Variants in DOCK4 observed in about 807,000 individuals in gnomAD.
DOCK4 encodes dedicator of cytokinesis 4.
In DOCK4, 97 loss-of-function variants were observed where a neutral mutation model predicts 268.1. The ratio of observed to expected loss-of-function variants is 0.36; its 90% CI spans 0.31 to 0.43. DOCK4 has a LOEUF of 0.43. Among genes scored for constraint, DOCK4 ranks in the 20% least tolerant of loss-of-function variants. DOCK4 has a pLI of 1.00. For synonymous variants in DOCK4, 954 were observed against 887.2 expected, an observed-to-expected ratio of 1.08 and a Z score of -1.34; for missense variants, 2,145 against 2,455.7, an observed-to-expected ratio of 0.87 and a Z score of 2.67.
At chr7:112,055,935 G>T (rs1028771181) in intron 1 of DOCK4, among the ~76,000 whole-genome samples, 6 of 151,206 alleles carry the variant, frequency 4.0e-5, no homozygotes, top group Non-Finnish European at 8.8e-5. Context: ...CTTTCCTAAA[G>T]AAAGGGAAGA....
At chr7:112,016,439 G>C (rs1186305611) in intron 1 of DOCK4, among the ~76,000 whole-genome samples, 3 of 152,228 alleles carry the variant, frequency 2.0e-5, no homozygotes, top group Admixed American at 6.5e-5. Context: ...ACTTGGTTAA[G>C]TGTCCCAGGT....
chr7:111,791,821 C>T lies in DOCK4; in HGVS notation c.3167-1216G>A, dbSNP rs183054104. Among the ~76,000 whole-genome samples the T allele has an allele frequency of 3.6e-3, 543 of 152,222 alleles. 2 individuals carry two copies. Among genetic ancestry groups the T allele is most frequent in the Non-Finnish European group, 6.9e-3 (467 of 67,998 alleles). On this transcript the variant is annotated intron_variant, in intron 30 of 52. Coordinates refer to ENST00000428084, the MANE Select transcript of DOCK4 (RefSeq NM_001363540.2). ...CTGGGCTCAAGCCATCCACCCGCCTCGGCCTCCCAAAGTGCTGGGATTACA... is the reference window on the plus strand; with the variant it reads ...CTGGGCTCAAGCCATCCACCCGCCTTGGCCTCCCAAAGTGCTGGGATTACA...
At chr7:111,908,881 A>C (rs1791845587) in intron 13 of DOCK4, among the ~76,000 whole-genome samples, 1 of 152,172 alleles carries the variant, frequency 6.6e-6, no homozygotes, top group South Asian at 2.1e-4. Flanking sequence ...TTAGGGCTGC[A>C]TAGTATTCCA....
chr7:111,837,991 C>A (rs923979271), intron 25 of DOCK4, among the ~76,000 whole-genome samples: 1 of 145,338 alleles, frequency 6.9e-6, no homozygotes, highest in African/African-American at 2.6e-5. Context: ...GAGGCTGAGG[C>A]AGGAGAATTG....
chr7:111,963,198 G>A (rs868435219), intron 8 of DOCK4, among the ~76,000 whole-genome samples: 12 of 152,236 alleles, frequency 7.9e-5, no homozygotes, highest in East Asian at 1.9e-4. Flanking sequence ...TGTCTAGGAG[G>A]AGGAGCCAAG....
At chr7:111,732,353 C>T (rs1186687186) in intron 51 of DOCK4, 66 bp from the exon 52 acceptor site, 4 of 1,544,896 alleles carry the variant, frequency 2.6e-6, no homozygotes, top group Admixed American at 1.7e-5. Flanking sequence ...TCTGCACATG[C>T]CCTCTGTGTT....
intron 7 of DOCK4, among the ~76,000 whole-genome samples, chr7:111,979,338 T>C (rs1168688544): frequency 6.6e-6 from 1 of 152,216 alleles, no homozygotes; most frequent in Admixed American, 6.5e-5. Context: ...AAGTTGTTTT[T>C]AAAAGCAGAC....
intron 22 of DOCK4, among the ~76,000 whole-genome samples, chr7:111,864,456 C>T (rs1386245018): frequency 6.6e-6 from 1 of 152,164 alleles, no homozygotes; most frequent in Non-Finnish European, 1.5e-5. Context: ...TTCTAACATG[C>T]TAAAATTCAA....
chr7:111,939,160 G>A (rs1183122522), intron 11 of DOCK4, among the ~76,000 whole-genome samples: 2 of 151,970 alleles, frequency 1.3e-5, no homozygotes, highest in Non-Finnish European at 2.9e-5. Flanking sequence ...GCCCTCAGAA[G>A]GAGCCAACTA....
Position 111,727,065 on chromosome 7 carries a change from A to G in DOCK4, c.*1209T>C, listed in dbSNP as rs887875635. On this transcript the variant is annotated 3_prime_UTR_variant, in exon 53 of 53. Transcript: ENST00000428084. ...TTGAGTGTTATAAACAGTCAGTAAA[A>G]GAAAAAACAAAGATATAAAATACAT... 6.5e-6 allele frequency: 1 copy of G among 152,690 alleles called. No homozygotes were observed. Among genetic ancestry groups the G allele is most frequent in the African/African-American group, 2.4e-5 (1 of 41,470 alleles). 9.5% of individuals were successfully genotyped at this position (152,690 alleles called of 1,614,324 possible). A position where few individuals can be genotyped will look rare whatever the true frequency, so the allele number is the denominator to read the frequency against.
At chr7:111,991,889 A>C (rs1799561467) in intron 5 of DOCK4, among the ~76,000 whole-genome samples, 1 of 149,172 alleles carries the variant, frequency 6.7e-6, no homozygotes, top group Non-Finnish European at 1.5e-5. Context: ...TGAACCCAGA[A>C]GGCGGAGCTT....
chr7:111,982,227 T>C (rs1237509115), intron 7 of DOCK4, among the ~76,000 whole-genome samples: 3 of 152,226 alleles, frequency 2.0e-5, no homozygotes, highest in Admixed American at 6.5e-5. Context: ...ATGGAAGCCA[T>C]GTTCAATGTA....
intron 1 of DOCK4, among the ~76,000 whole-genome samples, chr7:112,154,329 A>T (rs796170644): frequency 6.6e-6 from 1 of 152,322 alleles, no homozygotes; most frequent in African/African-American, 2.4e-5. Context: ...AACAACATAC[A>T]TGAAGAAAGC....
intron 1 of DOCK4, among the ~76,000 whole-genome samples, chr7:112,167,852 T>C (rs1467819237): frequency 6.6e-6 from 1 of 152,216 alleles, no homozygotes; most frequent in African/African-American, 2.4e-5. Flanking sequence ...TTGAAGCTTC[T>C]TTTTACTTTC....
intron 23 of DOCK4, among the ~76,000 whole-genome samples, chr7:111,855,973 A>C (rs984897972): frequency 1.3e-5 from 2 of 152,220 alleles, no homozygotes; most frequent in African/African-American, 4.8e-5. Flanking sequence ...CTTCAGGTTT[A>C]AACACAGCTT....
At position 111,872,032 on chromosome 7, in the gene DOCK4, T is replaced by C; in HGVS notation, c.1985A>G (p.Asp662Gly). 1 of 1,559,384 alleles carries C rather than the reference T, an allele frequency of 6.4e-7. No homozygotes were observed. Among genetic ancestry groups the C allele is most frequent in the Non-Finnish European group, 8.7e-7 (1 of 1,150,672 alleles). ...SKFHHFKPVM[D>G]TYIESHFAGA... ...AGCAAAATGACTCTCAATGTAAGTG[T>C]CCATTACAGGTTTAAAATGATGAAA... The change falls in exon 20 of 53, where the codon GAC (aspartate) becomes GGC (glycine). Residue 662 changes from aspartate to glycine, a missense_variant. Asp to Gly is a moderately conservative substitution (Grantham distance 94). Transcript: ENST00000428084.
At chr7:112,089,245 C>T (rs1017061311) in intron 1 of DOCK4, among the ~76,000 whole-genome samples, 1 of 151,976 alleles carries the variant, frequency 6.6e-6, no homozygotes, top group Non-Finnish European at 1.5e-5. Context: ...AACTAGAGAT[C>T]CATTACCTTT....
intron 1 of DOCK4, among the ~76,000 whole-genome samples, chr7:112,118,664 C>T (rs1812412676): frequency 1.3e-5 from 2 of 152,132 alleles, no homozygotes; most frequent in Admixed American, 6.5e-5. Context: ...GACCAAGATG[C>T]TAAGATCATC....
At chr7:111,910,096 G>A (rs1433556648) in intron 13 of DOCK4, among the ~76,000 whole-genome samples, 1 of 152,166 alleles carries the variant, frequency 6.6e-6, no homozygotes, top group Non-Finnish European at 1.5e-5. Context: ...ATGGATATGT[G>A]GGAACAAGTC....
Sources: gnomAD v4.1 joint callset for allele counts (sites outside exome capture counted in the v4.1 genomes callset) on GRCh38, gnomAD v4.1.1 for gene constraint, MANE v1.5 for transcripts, NCBI Gene and HGNC (gene_info 2026-07-23, HGNC 2026-07-21) for gene names.